MYLK: variants seen among roughly 807,000 people sequenced by gnomAD.
The protein encoded by MYLK is myosin light chain kinase.
Under a neutral mutation model 203.4 loss-of-function variants are expected in MYLK, and 106 were observed. The observed-to-expected ratio is 0.52, with a 90% CI of 0.45 to 0.61. MYLK has a LOEUF of 0.61. Among genes scored for constraint, MYLK ranks in the 20% least tolerant of loss-of-function variants. The pLI is 0.00. For missense variants in MYLK, 2,072 were observed against 2,442.3 expected, an observed-to-expected ratio of 0.85 and a Z score of 3.20; for synonymous variants, 867 against 959.5, an observed-to-expected ratio of 0.90 and a Z score of 1.78.
At chr3:123,785,709 C>T (rs535172613) in intron 4 of MYLK, among the ~76,000 whole-genome samples, 1 of 152,248 alleles carries the variant, frequency 6.6e-6, no homozygotes, top group African/African-American at 2.4e-5. Flanking sequence ...CAGCCCTGTC[C>T]GAAAGGACAT....
At chr3:123,826,840 A>C (rs1350310146) in intron 3 of MYLK, among the ~76,000 whole-genome samples, 1 of 152,096 alleles carries the variant, frequency 6.6e-6, no homozygotes, top group Non-Finnish European at 1.5e-5. Context: ...AACTACACAG[A>C]GACTACACTA....
At chr3:123,715,554 A>C (rs1222733803) in intron 13 of MYLK, among the ~76,000 whole-genome samples, 1 of 152,244 alleles carries the variant, frequency 6.6e-6, no homozygotes, top group Non-Finnish European at 1.5e-5. Flanking sequence ...GAAAGCTTTT[A>C]TTTAGAGGAA....
intron 19 of MYLK, chr3:123,692,156 C>A: frequency 3.7e-6 from 1 of 269,480 alleles, no homozygotes; most frequent in Admixed American, 5.4e-5. Flanking sequence ...CCGCTAAGAC[C>A]TGGCAGGCCT....
At chr3:123,733,160 G>C in intron 10 of MYLK, 58 bp from the exon 11 acceptor site, 1 of 1,562,106 alleles carries the variant, frequency 6.4e-7, no homozygotes, top group South Asian at 1.2e-5. Flanking sequence ...CCCTGTGATT[G>C]TGAGGTAGGT....
At chr3:123,646,491 G>A (rs2059024671) in intron 27 of MYLK, among the ~76,000 whole-genome samples, 1 of 152,224 alleles carries the variant, frequency 6.6e-6, no homozygotes, top group Non-Finnish European at 1.5e-5. Flanking sequence ...GCTTGCTGAT[G>A]CCAGTGTGCA....
At chr3:123,849,611 C>A (rs7646900) in intron 2 of MYLK, among the ~76,000 whole-genome samples, 29 of 152,082 alleles carry the variant, frequency 1.9e-4, no homozygotes, top group African/African-American at 7.0e-4. Flanking sequence ...AACAGTTTGC[C>A]GGAGAAATGG....
chr3:123,813,261 G>C (rs2065622339), intron 3 of MYLK, among the ~76,000 whole-genome samples: 1 of 152,220 alleles, frequency 6.6e-6, no homozygotes. Context: ...TTAAGCTTCT[G>C]CTTATTGAGA....
intron 16 of MYLK, among the ~76,000 whole-genome samples, chr3:123,705,628 A>G (rs1444252211): frequency 6.6e-6 from 1 of 152,012 alleles, no homozygotes; most frequent in Admixed American, 6.5e-5. Context: ...TCTAAATTTT[A>G]TGACTGTCCC....
At chr3:123,842,888 A>G (rs2066627986) in intron 2 of MYLK, among the ~76,000 whole-genome samples, 1 of 152,264 alleles carries the variant, frequency 6.6e-6, no homozygotes, top group Non-Finnish European at 1.5e-5. Flanking sequence ...CTAGACTGCA[A>G]GTGCCCTAAG....
At chr3:123,695,431 C>T (rs1219882126) in intron 18 of MYLK, among the ~76,000 whole-genome samples, 1 of 152,122 alleles carries the variant, frequency 6.6e-6, no homozygotes, top group East Asian at 1.9e-4. Context: ...CACAGTAAAA[C>T]ATATTTGTCA....
Position 123,707,908 on chromosome 3 carries a change from C to T in MYLK, c.2236G>A (p.Gly746Ser), listed in dbSNP as rs2061524060. 3 of 1,614,206 alleles carry T rather than the reference C, an allele frequency of 1.9e-6. No individual in the cohort carries two copies. Among genetic ancestry groups the T allele is most frequent in the Non-Finnish European group, 1.7e-6 (2 of 1,180,050 alleles). ...CAGTGCACGGTAGGAAAGGGGTCAC[C>T]AGCTATGGCGCAGGAGATGAGGACA... ...QSVLISCAIAGDPFPTVHWLR... is the reference protein window; with the variant it reads ...QSVLISCAIASDPFPTVHWLR... The change falls in exon 16 of 34, where the codon GGT becomes AGT. Residue 746 changes from glycine (G) to serine (S), a missense_variant. Transcript: ENST00000360304.
At chr3:123,669,824 C>T (rs1012074239) in intron 20 of MYLK, among the ~76,000 whole-genome samples, 5 of 151,876 alleles carry the variant, frequency 3.3e-5, no homozygotes, top group Admixed American at 1.3e-4. Flanking sequence ...CACCAGAAGT[C>T]GGAAGTTTGA....
intron 4 of MYLK, among the ~76,000 whole-genome samples, chr3:123,779,281 A>G (rs7625205): frequency 0.13 from 19,167 of 152,276 alleles, 3,861 homozygotes; most frequent in African/African-American, 0.43. Context: ...GTCCCCTTGC[A>G]CACGGATGAG....
At chr3:123,637,936 A>T in intron 29 of MYLK, 135 bp downstream of exon 29, 1 of 1,332,806 alleles carries the variant, frequency 7.5e-7, no homozygotes, top group South Asian at 1.3e-5. Context: ...GGAGCCTGCC[A>T]CCCTCCTGAC....
At chr3:123,807,800 T>A (rs1186798190) in intron 3 of MYLK, among the ~76,000 whole-genome samples, 3 of 152,206 alleles carry the variant, frequency 2.0e-5, no homozygotes, top group Non-Finnish European at 4.4e-5. Context: ...TCCAAAACCT[T>A]GCTGCCCTTC....
In MYLK at chr3:123,808,087, G is replaced by A. The variant is rs545240762; in HGVS notation, c.-3-14243C>T. On this transcript the variant is annotated intron_variant, in intron 3 of 33. Coordinates refer to ENST00000360304, the MANE Select transcript of MYLK (RefSeq NM_053025.4). ...AAACCTGCCAGGGTCATCAGCTCAAGGCCGACAGTCAGGCCCAGACACAGC... is the reference window on the plus strand; with the variant it reads ...AAACCTGCCAGGGTCATCAGCTCAAAGCCGACAGTCAGGCCCAGACACAGC... 3.1e-4 allele frequency among the ~76,000 whole-genome samples: 47 copies of A among 152,328 alleles called. 1 individual carries two copies. Among genetic ancestry groups the A allele is most frequent in the African/African-American group, 1.1e-3 (47 of 41,568 alleles).
chr3:123,781,266 G>A (rs1003164714), intron 4 of MYLK, among the ~76,000 whole-genome samples: 1 of 152,260 alleles, frequency 6.6e-6, no homozygotes, highest in Non-Finnish European at 1.5e-5. Flanking sequence ...CACAGTAGAT[G>A]AAGCCTGGAA....
At chr3:123,789,659 C>CAAAAAAA (rs745766578) in intron 4 of MYLK, among the ~76,000 whole-genome samples, 1 of 78,700 alleles carries the variant, frequency 1.3e-5, no homozygotes. Flanking sequence ...GCTGGCAAAG[C>CAAAAAAA]AAAAAAAAAA....
Position 123,614,943 on chromosome 3 carries a change from G to A in MYLK, c.5501-594C>T, listed in dbSNP as rs547861550. 4.0e-5 allele frequency among the ~76,000 whole-genome samples: 6 copies of A among 151,738 alleles called. No individual in the cohort carries two copies. The East Asian group carries it at 1.2e-3, about 30-fold the overall frequency. Reference sequence around the variant, plus strand: ...TCCCTCAGCCTCCCAAGTAGCTGGAGCTATAGGTACATGCCACCATGCCTG... The same window carrying A: ...TCCCTCAGCCTCCCAAGTAGCTGGAACTATAGGTACATGCCACCATGCCTG... On this transcript the variant is annotated intron_variant, in intron 33 of 33. Transcript: ENST00000360304.
Sources: allele counts gnomAD v4.1 joint callset (sites outside exome capture counted in the v4.1 genomes callset), GRCh38; gene constraint gnomAD v4.1.1; transcripts MANE v1.5; gene names NCBI Gene and HGNC (gene_info 2026-07-23, HGNC 2026-07-21).